Variants in RASAL2 observed in about 807,000 individuals in gnomAD.
RASAL2 encodes RAS protein activator like 2.
In RASAL2, 58 loss-of-function variants were observed where a neutral mutation model predicts 128.9. That is an observed-to-expected ratio of 0.45 (90% confidence interval 0.36 to 0.56). RASAL2 has a LOEUF of 0.56. RASAL2 is among the 20% of genes least tolerant of loss of function. RASAL2 has a pLI of 0.00. For missense variants in RASAL2, 1,360 were observed against 1,601.6 expected (o/e 0.85, Z 2.57); for synonymous variants, 561 against 580.8 (o/e 0.97, Z 0.49).
intron 4 of RASAL2, among the ~76,000 whole-genome samples, chr1:178,416,619 T>C (rs1222352572): frequency 1.3e-5 from 2 of 152,262 alleles, no homozygotes; most frequent in African/African-American, 4.8e-5. Context: ...CTAAGGAACT[T>C]CTTTAAACAT....
intron 1 of RASAL2, among the ~76,000 whole-genome samples, chr1:178,116,522 T>C (rs142096003): frequency 3.9e-5 from 6 of 152,190 alleles, no homozygotes; most frequent in Non-Finnish European, 7.4e-5. Context: ...TTAACCATTA[T>C]TAAACATTAC....
At position 178,389,044 on chromosome 1, in the gene RASAL2, C is replaced by T. The variant is rs562664026; in HGVS notation, c.458-1056C>T. On this transcript the variant is annotated intron_variant, in intron 3 of 17. Coordinates refer to ENST00000367649, the MANE Select transcript of RASAL2 (RefSeq NM_170692.4). ...CGCTCTCTCTTAAGTGGAAGTAGCA[C>T]GGATCCCAGGGGCCAGGAGGCCAGA... Among the ~76,000 whole-genome samples, 14 of 152,264 alleles carry T rather than the reference C, an allele frequency of 9.2e-5. No individual in the cohort carries two copies. The East Asian group carries it at 1.4e-3, about 15-fold the overall frequency.
At chr1:178,363,265 A>G (rs1046616329) in intron 3 of RASAL2, among the ~76,000 whole-genome samples, 2 of 152,062 alleles carry the variant, frequency 1.3e-5, no homozygotes, top group African/African-American at 4.8e-5. Context: ...ATGATTAGTG[A>G]TGTTGAGCAT....
At chr1:178,335,742 T>C (rs1385398305) in intron 3 of RASAL2, among the ~76,000 whole-genome samples, 1 of 152,182 alleles carries the variant, frequency 6.6e-6, no homozygotes, top group Admixed American at 6.5e-5. Context: ...AAGTGGAATG[T>C]CCTTTTGAAA....
chr1:178,286,609 AC>A (rs773166636), intron 2 of RASAL2, among the ~76,000 whole-genome samples: 1 of 152,056 alleles, frequency 6.6e-6, no homozygotes, highest in Non-Finnish European at 1.5e-5. Flanking sequence ...ATGTGGTTTC[AC>A]AATGTTGGCC....
chr1:178,155,987 A>G (rs1661071870), intron 1 of RASAL2, among the ~76,000 whole-genome samples: 1 of 152,132 alleles, frequency 6.6e-6, no homozygotes, highest in Non-Finnish European at 1.5e-5. Flanking sequence ...CAAACCTTAT[A>G]TTTCTTGCCT....
chr1:178,209,486 C>T (rs1663177729), intron 1 of RASAL2, among the ~76,000 whole-genome samples: 1 of 152,182 alleles, frequency 6.6e-6, no homozygotes, highest in Non-Finnish European at 1.5e-5. Context: ...AGCGTTTTCT[C>T]ATCTTTTTCC....
intron 1 of RASAL2, among the ~76,000 whole-genome samples, chr1:178,223,402 T>G (rs1437185560): frequency 6.6e-6 from 1 of 152,110 alleles, no homozygotes; most frequent in African/African-American, 2.4e-5. Context: ...TGAAGCATGA[T>G]AATGATGGAA....
intron 4 of RASAL2, among the ~76,000 whole-genome samples, chr1:178,415,939 T>C (rs1296885527): frequency 1.3e-5 from 2 of 152,106 alleles, no homozygotes; most frequent in Non-Finnish European, 2.9e-5. Flanking sequence ...TATTAATCTT[T>C]ATGTGCCTTT....
At chr1:178,190,917 G>A (rs1414233725) in intron 1 of RASAL2, among the ~76,000 whole-genome samples, 1 of 152,124 alleles carries the variant, frequency 6.6e-6, no homozygotes. Flanking sequence ...CCAAAGAGAT[G>A]TAAGGCTTGT....
At chr1:178,131,008 A>C (rs1385059090) in intron 1 of RASAL2, among the ~76,000 whole-genome samples, 2 of 55,064 alleles carry the variant, frequency 3.6e-5, no homozygotes, top group South Asian at 1.0e-3. Flanking sequence ...GAGCCGAGAT[A>C]GCACCACTGC....
intron 1 of RASAL2, among the ~76,000 whole-genome samples, chr1:178,238,386 A>G (rs1341667029): frequency 1.3e-5 from 2 of 152,126 alleles, no homozygotes; most frequent in East Asian, 1.9e-4. Flanking sequence ...TTCATGAACA[A>G]ATTTTTACGT....
chr1:178,282,486 C>T (rs992405783), intron 1 of RASAL2, among the ~76,000 whole-genome samples: 4 of 152,062 alleles, frequency 2.6e-5, no homozygotes, highest in Non-Finnish European at 5.9e-5. Context: ...TTTGCCTTTC[C>T]TTGAAGTCAA....
At chr1:178,371,343 C>CAAAT (rs1186980849) in intron 3 of RASAL2, among the ~76,000 whole-genome samples, 13 of 142,612 alleles carry the variant, frequency 9.1e-5, no homozygotes, top group African/African-American at 3.8e-4. Flanking sequence ...CACACACACA[C>CAAAT]ACACACACAA....
At chr1:178,298,998 A>G (rs1667639598) in intron 2 of RASAL2, among the ~76,000 whole-genome samples, 3 of 152,038 alleles carry the variant, frequency 2.0e-5, no homozygotes, top group Admixed American at 6.6e-5. Context: ...TAAGTCTTAA[A>G]ATAGTTATTA....
intron 9 of RASAL2, among the ~76,000 whole-genome samples, chr1:178,446,213 C>A (rs1676987082): frequency 6.6e-6 from 1 of 152,148 alleles, no homozygotes; most frequent in Non-Finnish European, 1.5e-5. Context: ...GAGGCATTAA[C>A]CGCTAGAGTA....
chr1:178,310,707 T>G (rs935834341), intron 3 of RASAL2, among the ~76,000 whole-genome samples: 1 of 152,130 alleles, frequency 6.6e-6, no homozygotes, highest in Non-Finnish European at 1.5e-5. Context: ...ACAGTGGAGA[T>G]TTGTTTACTT....
At chr1:178,123,773 A>G (rs1294485079) in intron 1 of RASAL2, 2 of 152,438 alleles carry the variant, frequency 1.3e-5, no homozygotes, top group African/African-American at 2.4e-5. Context: ...CCTGGGCTCA[A>G]TTGATCCTCC....
chr1:178,226,098 A>G (rs1309195246), intron 1 of RASAL2, among the ~76,000 whole-genome samples: 1 of 152,220 alleles, frequency 6.6e-6, no homozygotes, highest in African/African-American at 2.4e-5. Context: ...ACAGCTTGTT[A>G]TTCACAATTC....
Sources: allele counts gnomAD v4.1 joint callset (sites outside exome capture counted in the v4.1 genomes callset), GRCh38; gene constraint gnomAD v4.1.1; transcripts MANE v1.5; gene names NCBI Gene and HGNC (gene_info 2026-07-23, HGNC 2026-07-21).